The following SULT1E1 variants were observed in gnomAD, a reference collection of about 807,000 sequenced individuals.
SULT1E1 encodes the protein sulfotransferase family 1E member 1, also known as sulfotransferase 1E1.
SULT1E1 carries 36 observed loss-of-function variants against 33.6 expected under a neutral mutation model. The observed-to-expected ratio is 1.07, with a 90% CI of 0.82 to 1.41. The LOEUF is 1.41. SULT1E1 is among the 40% of genes most tolerant of loss of function. The probability of loss-of-function intolerance (pLI) is 0.00; values close to 1 mark genes in which losing one functional copy is unlikely to be tolerated. For synonymous variants in SULT1E1, 121 were observed against 111.7 expected (o/e 1.08, Z -0.53); for missense variants, 371 against 345.7 (o/e 1.07, Z -0.58).
the SULT1E1 span, among the ~76,000 whole-genome samples, chr4:69,822,761 G>A: frequency 6.6e-6 from 1 of 152,070 alleles, no homozygotes; most frequent in Non-Finnish European, 1.5e-5. Context: ...TAAGTTATTT[G>A]AATGTGGAAT....
At chr4:69,838,912 A>C (rs1208266091), downstream of SULT1E1, among the ~76,000 whole-genome samples, 1 of 152,266 alleles carries the variant, frequency 6.6e-6, no homozygotes, top group African/African-American at 2.4e-5. Context: ...GGAACTATAC[A>C]TAAGTAGGTG....
chr4:69,854,629 T>C (rs1721200271), intron 3 of SULT1E1, among the ~76,000 whole-genome samples: 4 of 151,970 alleles, frequency 2.6e-5, no homozygotes. Flanking sequence ...GAAAGAAATA[T>C]AGATAGAGAA....
At chr4:69,826,199 C>A in the SULT1E1 span, among the ~76,000 whole-genome samples, 1 of 152,146 alleles carries the variant, frequency 6.6e-6, no homozygotes, top group African/African-American at 2.4e-5. Flanking sequence ...CAGGGTATGG[C>A]CCTCCACTTC....
the SULT1E1 span, among the ~76,000 whole-genome samples, chr4:69,828,551 T>C: frequency 1.3e-5 from 2 of 152,112 alleles, no homozygotes; most frequent in Non-Finnish European, 2.9e-5. Context: ...AGGAACAAAC[T>C]CTGGACACAC....
the SULT1E1 span, among the ~76,000 whole-genome samples, chr4:69,833,052 A>AT: frequency 6.6e-6 from 1 of 151,864 alleles, no homozygotes; most frequent in Non-Finnish European, 1.5e-5. Context: ...AGCTTGTTTT[A>AT]TTTTTTTCTT....
chr4:69,855,550 T>C (rs1198348539), intron 2 of SULT1E1, 124 bp from the exon 3 acceptor site: 3 of 831,324 alleles, frequency 3.6e-6, no homozygotes, highest in Non-Finnish European at 5.3e-6. Context: ...GGTGTCTGAA[T>C]AGCCACAGAC....
intron 6 of SULT1E1, among the ~76,000 whole-genome samples, chr4:69,844,697 A>G (rs1720940415): frequency 6.6e-6 from 1 of 152,180 alleles, no homozygotes; most frequent in African/African-American, 2.4e-5. Flanking sequence ...GGATAAAGAT[A>G]TACAGGCAAT....
At chr4:69,834,976 C>G in the SULT1E1 span, among the ~76,000 whole-genome samples, 1 of 152,112 alleles carries the variant, frequency 6.6e-6, no homozygotes, top group African/African-American at 2.4e-5. Context: ...GTTACCATAT[C>G]AAGAAGTCAA....
chr4:69,840,552 T>C (rs1578100340), downstream of SULT1E1, among the ~76,000 whole-genome samples: 1 of 152,334 alleles, frequency 6.6e-6, no homozygotes, highest in East Asian at 1.9e-4. Context: ...TATCTTATTC[T>C]TTAAAACTTA....
intron 4 of SULT1E1, among the ~76,000 whole-genome samples, chr4:69,851,563 T>G (rs1721107003): frequency 6.6e-6 from 1 of 152,184 alleles, no homozygotes; most frequent in African/African-American, 2.4e-5. Context: ...GAAGTCAGTA[T>G]GGCGATCCCT....
chr4:69,824,881 G>A, the SULT1E1 span, among the ~76,000 whole-genome samples: 1 of 152,264 alleles, frequency 6.6e-6, no homozygotes, highest in Admixed American at 6.5e-5. Context: ...AACCCGCTGA[G>A]GTCCCTTTCC....
intron 2 of SULT1E1, 145 bp downstream of exon 2, chr4:69,857,355 A>G (rs1159442682): frequency 2.0e-6 from 2 of 987,842 alleles, no homozygotes; most frequent in African/African-American, 1.7e-5. Flanking sequence ...CATGGAATAG[A>G]GCTACCTTTT....
At chr4:69,835,346 GGAACTGTGC>G in the SULT1E1 span, among the ~76,000 whole-genome samples, 4 of 152,158 alleles carry the variant, frequency 2.6e-5, no homozygotes, top group African/African-American at 7.2e-5. Flanking sequence ...CCATAAAAGT[GGAACTGTGC>G]GTGTCTTACT....
downstream of SULT1E1, among the ~76,000 whole-genome samples, chr4:69,836,346 T>C (rs1036452757): frequency 2.0e-5 from 3 of 152,230 alleles, no homozygotes; most frequent in Non-Finnish European, 4.4e-5. Context: ...CTTTAGACTT[T>C]AAGTGGAGAT....
chr4:69,840,238 A>G (rs770861825), downstream of SULT1E1, among the ~76,000 whole-genome samples: 17 of 152,198 alleles, frequency 1.1e-4, no homozygotes, highest in Non-Finnish European at 2.1e-4. Context: ...CTTAAAAACT[A>G]TAACTATTGA....
downstream of SULT1E1, among the ~76,000 whole-genome samples, chr4:69,837,939 G>GTATTTTAT (rs1222463629): frequency 6.6e-6 from 1 of 152,182 alleles, no homozygotes; most frequent in African/African-American, 2.4e-5. Flanking sequence ...TCTTTCAAGA[G>GTATTTTAT]TATTTTATTA....
the SULT1E1 span, among the ~76,000 whole-genome samples, chr4:69,829,801 G>A: frequency 6.6e-6 from 1 of 152,084 alleles, no homozygotes; most frequent in African/African-American, 2.4e-5. Context: ...TTGGATAGTG[G>A]CCCTATAAGT....
rs764647955 is a variant in SULT1E1, at chr4:69,849,350, C to T, written c.496+87G>A. ...ACTATGAATCAGGGAAGAAAACGTA[C>T]CAGAACAGTTAAAAACTTTTACTTG... On this transcript the variant is annotated intron_variant, in intron 5 of 7. Transcript: ENST00000226444. 2.4e-5 allele frequency: 35 copies of T among 1,488,878 alleles called. No individual in the cohort carries two copies. In the East Asian group the frequency reaches 7.2e-4, roughly 31 times the overall value. 92.2% of individuals were successfully genotyped at this position (1,488,878 alleles called of 1,614,324 possible). A position where few individuals can be genotyped will look rare whatever the true frequency, so the allele number is the denominator to read the frequency against.
chr4:69,841,968 G>C lies in SULT1E1; in HGVS notation c.*26C>G. ...TAATGAAAAGAAATCTTTAATATCA[G>C]ATATGTTAAGTAAAGAAAGACCTTC... On this transcript the variant is annotated 3_prime_UTR_variant, in exon 8 of 8. Transcript: ENST00000226444. 8.2e-7 allele frequency: 1 copy of C among 1,220,646 alleles called. No individual in the cohort carries two copies. The highest frequency in any genetic ancestry group is 1.3e-5 in the South Asian group (1 of 75,558). The allele number at this position is 1,220,646 out of a possible 1,614,324, so 75.6% of individuals were successfully genotyped here.
Sources: gnomAD v4.1 joint callset for allele counts (sites outside exome capture counted in the v4.1 genomes callset) on GRCh38, gnomAD v4.1.1 for gene constraint, MANE v1.5 for transcripts, NCBI Gene and HGNC (gene_info 2026-07-23, HGNC 2026-07-21) for gene names.